The following TRABD variants were observed in gnomAD, a reference collection of about 807,000 sequenced individuals.
TRABD encodes the protein TraB domain containing, also known as traB domain-containing protein.
TRABD carries 23 observed loss-of-function variants against 39.6 expected under a neutral mutation model. The ratio of observed to expected loss-of-function variants is 0.58; its 90% CI spans 0.42 to 0.82. The LOEUF (loss-of-function observed/expected upper bound fraction) is 0.82. Among genes scored for constraint, TRABD ranks in the 40% least tolerant of loss-of-function variants. The probability of loss-of-function intolerance (pLI) is 0.00; values close to 1 mark genes in which losing one functional copy is unlikely to be tolerated. For missense variants in TRABD, 487 were observed against 544.9 expected (o/e 0.89, Z 1.06); for synonymous variants, 243 against 232.1 (o/e 1.05, Z -0.43).
chr22:50,191,996 C>T (rs2063921116), intron 1 of TRABD: 3 of 152,292 alleles, frequency 2.0e-5, no homozygotes, highest in African/African-American at 2.4e-5. Context: ...CTCCTGAGCT[C>T]AGGCAGTCCA....
At chr22:50,197,663 C>G in intron 7 of TRABD, 75 bp downstream of exon 7, 1 of 1,585,360 alleles carries the variant, frequency 6.3e-7, no homozygotes, top group Admixed American at 1.7e-5. Context: ...TGTGCAGGTC[C>G]AAGCGCAGCC....
Position 50,194,404 on chromosome 22 carries a change from C to G in TRABD, c.177C>G (p.Asn59Lys), listed in dbSNP as rs1022967180. The change falls in exon 4 of 10, where the codon AAC (asparagine) becomes AAG (lysine). Residue 59 changes from asparagine to lysine, a missense_variant. Physicochemically the swap from Asn to Lys is moderately conservative, Grantham distance 94 (BLOSUM62 0). Around this residue, in one of 3 missense-constraint regions of TRABD, gnomAD observed 358 missense variants for 414.7 expected, o/e 0.86. Coordinates refer to ENST00000380909, the MANE Select transcript of TRABD (RefSeq NM_001320485.2). ...MKLKRRRQRP[N>K]LPRTVTQLVA... ...TGAAGCGGCGGCGTCAGCGGCCCAACCTGCCGCGCACTGTGACCCAGTTGG... is the reference window on the plus strand; with the variant it reads ...TGAAGCGGCGGCGTCAGCGGCCCAAGCTGCCGCGCACTGTGACCCAGTTGG... 1.2e-6 allele frequency: 2 copies of G among 1,612,762 alleles called. No homozygotes were observed. Among genetic ancestry groups the G allele is most frequent in the African/African-American group, 1.3e-5 (1 of 74,938 alleles).
intron 4 of TRABD, 86 bp from the exon 5 acceptor site, chr22:50,194,814 G>A: frequency 6.5e-7 from 1 of 1,540,476 alleles, no homozygotes; most frequent in South Asian, 1.2e-5. Flanking sequence ...GGCTGCTCCT[G>A]GGATGGGGCC....
intron 1 of TRABD, among the ~76,000 whole-genome samples, chr22:50,192,805 G>C (rs1170993879): frequency 9.4e-5 from 1 of 10,668 alleles, no homozygotes; most frequent in African/African-American, 1.6e-3. Context: ...GGTTTATGCT[G>C]GGGTGTCTGG....
Position 50,193,599 on chromosome 22 carries a change from G to T in TRABD, c.57G>T (p.Pro19=), listed in dbSNP as rs61473705. 6.2e-7 allele frequency: 1 copy of T among 1,613,802 alleles called. No homozygotes were observed. The highest frequency in any genetic ancestry group is 1.1e-5 in the South Asian group (1 of 91,084). ...PHEANVEPVV[P]SEASEPVPRV... ...AGGCCAACGTGGAACCTGTTGTGCCGTCAGAGGCTTCAGAGCCGGTGCCCA... is the reference window on the plus strand; with the variant it reads ...AGGCCAACGTGGAACCTGTTGTGCCTTCAGAGGCTTCAGAGCCGGTGCCCA... The change falls in exon 3 of 10, where the codon CCG becomes CCT. Residue 19 remains proline, a synonymous_variant. Transcript: ENST00000380909.
At chr22:50,197,768 C>CCCCCCCCCCCCCCCGGTGCCCA in intron 7 of TRABD, 55 bp from the exon 8 acceptor site, 1 of 1,320,234 alleles carries the variant, frequency 7.6e-7, no homozygotes, top group Non-Finnish European at 1.1e-6. Flanking sequence ...GTGCCAGCCC[C>CCCCCCCCCCCCCCCGGTGCCCA]ACCCCCCCAG....
intron 1 of TRABD, among the ~76,000 whole-genome samples, chr22:50,189,405 C>G (rs1325668028): frequency 6.6e-6 from 1 of 152,246 alleles, no homozygotes; most frequent in Non-Finnish European, 1.5e-5. Flanking sequence ...GCACCCACCC[C>G]AGTCCTGCTC....
chr22:50,196,123 G>A (rs73187250), intron 5 of TRABD, among the ~76,000 whole-genome samples: 17,324 of 152,232 alleles, frequency 0.11, 1,019 homozygotes, highest in South Asian at 0.22. Context: ...GAGACACCAG[G>A]TGTCCGCTTC....
At chr22:50,194,619 T>G (rs730559) in intron 4 of TRABD, 113 bp downstream of exon 4, 295,742 of 1,464,990 alleles carry the variant, frequency 0.2, 31,540 homozygotes, top group African/African-American at 0.35. Flanking sequence ...ACCGCAGGCC[T>G]CCTGCTTCAA....
intron 1 of TRABD, among the ~76,000 whole-genome samples, chr22:50,186,787 C>T (rs1433840732): frequency 6.6e-6 from 1 of 152,258 alleles, no homozygotes; most frequent in Non-Finnish European, 1.5e-5. Flanking sequence ...CAGATCGTCC[C>T]CCGCTGTGCG....
chr22:50,197,014 G>A (rs2064136464), intron 5 of TRABD: 2 of 552,754 alleles, frequency 3.6e-6, no homozygotes, highest in Non-Finnish European at 6.4e-6. Context: ...GGTCTTTTCT[G>A]AAGGGAGCTA....
rs1390472954 is a variant in TRABD at position 50,198,827 on chromosome 22, G to A, written c.*308G>A. 27 of 544,958 alleles carry A rather than the reference G, an allele frequency of 5.0e-5. No homozygotes were observed. Among genetic ancestry groups the A allele is most frequent in the South Asian group, 2.8e-4 (12 of 43,458 alleles). 33.8% of individuals were successfully genotyped at this position (544,958 alleles called of 1,614,324 possible). A position where few individuals can be genotyped will look rare whatever the true frequency, so the allele number is the denominator to read the frequency against. ...GCTTATAGGAGGGGCCGAGGCGTGC[G>A]CTGCCCTCTCAGCCCTGGTGGCAGG... On this transcript the variant is annotated 3_prime_UTR_variant, in exon 10 of 10. Transcript: ENST00000380909. This position sits in a 1 kb window ranked among gnomAD's most constrained non-coding sequence, Gnocchi z 7.9.
At chr22:50,193,889 G>A (rs2063996526) in intron 3 of TRABD, among the ~76,000 whole-genome samples, 1 of 10,742 alleles carries the variant, frequency 9.3e-5, no homozygotes, top group Non-Finnish European at 1.6e-4. Flanking sequence ...CAGGCCCCTG[G>A]GCATGGGGGG....
intron 1 of TRABD, among the ~76,000 whole-genome samples, chr22:50,187,896 C>T (rs1164600166): frequency 1.3e-5 from 2 of 151,914 alleles, no homozygotes; most frequent in Non-Finnish European, 2.9e-5. Flanking sequence ...AGGAGAATGG[C>T]GTGAACCCGG....
Position 50,194,506 on chromosome 22 carries a change from G to A in TRABD, c.279G>A (p.Lys93=), listed in dbSNP as rs1198325580. The part of the protein sequence containing the change: ...FSDDSKRDVV[K]TIREVQPDVV... ...ACGACAGCAAGAGGGACGTTGTGAA[G>A]GTGAGCGCCGCCACCCGCCACATCC... The change falls in exon 4 of 10, where the codon AAG becomes AAA. Residue 93 remains lysine (K), a splice_region_variant and synonymous_variant. Transcript: ENST00000380909. 2 of 1,555,782 alleles carry A rather than the reference G, an allele frequency of 1.3e-6. No individual in the cohort carries two copies. The highest frequency in any genetic ancestry group is 1.7e-6 in the Non-Finnish European group (2 of 1,149,968).
Position 50,198,368 on chromosome 22 carries a change from G to C in TRABD, c.980G>C (p.Gly327Ala). 1.9e-6 allele frequency: 3 copies of C among 1,585,754 alleles called. No individual in the cohort carries two copies. The East Asian group carries it at 6.7e-5, about 36-fold the overall frequency. ...AGCGTGCCCCCGCCGTCCGTCTCCG[G>C]CAGAGTGTCTCGGTTGGCCGTGAAG... ...IMTVPPPSVS[G>A]RVSRLAVKAA... is the part of the protein sequence containing the mutation. Residue 327 changes from glycine (G) to alanine (A), a missense_variant, in exon 10 of 10, where the codon GGC (glycine) becomes GCC (alanine). This residue lies in a region of TRABD where 123 missense variants were observed against 108.3 expected (regional missense o/e 1.14). Transcript: ENST00000380909. The surrounding 1 kb of genome is among the most constrained non-coding windows in gnomAD (Gnocchi z 7.9).
At chr22:50,196,571 T>C (rs1489307165) in intron 5 of TRABD, among the ~76,000 whole-genome samples, 2 of 152,242 alleles carry the variant, frequency 1.3e-5, no homozygotes, top group Non-Finnish European at 2.9e-5. Flanking sequence ...GCACCAGCAG[T>C]GCTGTGCTGA....
At chr22:50,193,729 A>G (rs2063991678) in intron 3 of TRABD, 75 bp downstream of exon 3, 3 of 1,430,830 alleles carry the variant, frequency 2.1e-6, no homozygotes, top group East Asian at 2.3e-5. Flanking sequence ...GAGGCAGCCA[A>G]CCACTGCCAG....
rs1248721483 is a variant in TRABD at position 50,195,008 on chromosome 22, A to G, written c.388A>G (p.Ser130Gly). 6.2e-7 allele frequency: 1 copy of G among 1,606,256 alleles called. No individual in the cohort carries two copies. The highest frequency in any genetic ancestry group is 1.1e-5 in the South Asian group (1 of 90,638). ...GCTGCTGCGGGAGGCCCAGGAGCTCAGCCTGGAGAAGCTGCAGCAGGCCGT... is the reference window on the plus strand; with the variant it reads ...GCTGCTGCGGGAGGCCCAGGAGCTCGGCCTGGAGAAGCTGCAGCAGGCCGT... ...STLLREAQEL[S>G]LEKLQQAVRQ... Residue 130 changes from serine to glycine, a missense_variant, in exon 5 of 10, where the codon AGC becomes GGC. Around this residue, in one of 3 missense-constraint regions of TRABD, gnomAD observed 358 missense variants for 414.7 expected, o/e 0.86. Coordinates refer to ENST00000380909, the MANE Select transcript of TRABD (RefSeq NM_001320485.2).
Sources: allele counts gnomAD v4.1 joint callset (sites outside exome capture counted in the v4.1 genomes callset), GRCh38; gene constraint gnomAD v4.1.1; regional missense constraint gnomAD v4.1.1; non-coding constraint Gnocchi (gnomAD v3.1); transcripts MANE v1.5; gene names NCBI Gene and HGNC (gene_info 2026-07-23, HGNC 2026-07-21).